HS6ST1: variants seen among roughly 807,000 people sequenced by gnomAD.
The protein encoded by HS6ST1 is heparan-sulfate 6-O-sulfotransferase 1.
A neutral mutation model predicts 25.2 loss-of-function variants in HS6ST1; 3 were observed. The observed-to-expected ratio is 0.12, with a 90% CI of 0.05 to 0.31. HS6ST1 has a LOEUF of 0.31. Among genes scored for constraint, HS6ST1 ranks in the 10% least tolerant of loss-of-function variants. The probability of loss-of-function intolerance (pLI) is 1.00; values close to 1 mark genes in which losing one functional copy is unlikely to be tolerated. For missense variants in HS6ST1, 310 were observed against 609.6 expected (o/e 0.51, Z 5.18); for synonymous variants, 204 against 275.1 (o/e 0.74, Z 2.56).
intron 1 of HS6ST1, among the ~76,000 whole-genome samples, chr2:128,281,353 T>C (rs1693782736): frequency 6.6e-6 from 1 of 152,194 alleles, no homozygotes; most frequent in Non-Finnish European, 1.5e-5. Context: ...TCTGTGCTCA[T>C]GTGGCCCTCA....
chr2:128,277,211 GTGACTTTGC>G (rs1477669577), intron 1 of HS6ST1, among the ~76,000 whole-genome samples: 2 of 152,192 alleles, frequency 1.3e-5, no homozygotes, highest in African/African-American at 2.4e-5. Flanking sequence ...ACCCTGCCCA[GTGACTTTGC>G]TGGCAAATGA....
rs577324897 is a variant in HS6ST1, at chr2:128,297,601, G to T, written c.527+20436C>A. 5.5e-4 allele frequency among the ~76,000 whole-genome samples: 84 copies of T among 152,332 alleles called. No homozygotes were observed. In the South Asian group the frequency reaches 0.017, roughly 30 times the overall value. ...CTAGCACTTTGGGAGGCCGAGGTGG[G>T]TGATCCACCTGATCATGAGGTCAGG... is the stretch of plus-strand genomic sequence containing the variant. On this transcript the variant is annotated intron_variant, in intron 1 of 1. Transcript: ENST00000259241.
chr2:128,293,630 C>T (rs79377020), intron 1 of HS6ST1, among the ~76,000 whole-genome samples: 2 of 152,312 alleles, frequency 1.3e-5, no homozygotes, highest in East Asian at 3.9e-4. Flanking sequence ...GCCTGGAGGG[C>T]CCGGAGTCAG....
chr2:128,296,829 C>T (rs1006435821), intron 1 of HS6ST1, among the ~76,000 whole-genome samples: 1 of 152,170 alleles, frequency 6.6e-6, no homozygotes, highest in Non-Finnish European at 1.5e-5. Flanking sequence ...CCTATCACAA[C>T]CCCAACAGTA....
rs941565142 is a variant in HS6ST1, at chr2:128,265,563, T to C, written c.*2599A>G. On this transcript the variant is annotated 3_prime_UTR_variant, in exon 2 of 2. Coordinates refer to ENST00000259241, the MANE Select transcript of HS6ST1 (RefSeq NM_004807.3). ...TAGATGATTATGACTTGCTTTTCCA[T>C]CATCAACTCATTTTTTTGTATGAAT... is the stretch of plus-strand genomic sequence containing the variant. 6.6e-6 allele frequency: 1 copy of C among 152,250 alleles called. No homozygotes were observed. The highest frequency in any genetic ancestry group is 1.5e-5 in the Non-Finnish European group (1 of 68,038). The allele number at this position is 152,250 out of a possible 1,614,324, so 9.4% of individuals were successfully genotyped here.
chr2:128,288,050 G>A (rs1248581965), intron 1 of HS6ST1, among the ~76,000 whole-genome samples: 3 of 152,232 alleles, frequency 2.0e-5, no homozygotes, highest in Non-Finnish European at 4.4e-5. Context: ...CACAGGGCAC[G>A]CAGTCGAGCA....
At chr2:128,270,202 GT>G (rs1558867248) in intron 1 of HS6ST1, among the ~76,000 whole-genome samples, 1 of 152,224 alleles carries the variant, frequency 6.6e-6, no homozygotes, top group Non-Finnish European at 1.5e-5. Context: ...AGTGTTTTCT[GT>G]GGCCTGGCAG....
At chr2:128,300,090 C>G (rs1326116350) in intron 1 of HS6ST1, among the ~76,000 whole-genome samples, 3 of 152,136 alleles carry the variant, frequency 2.0e-5, no homozygotes, top group Non-Finnish European at 2.9e-5. Context: ...ATTCACCAAA[C>G]CAAGGACCCC....
chr2:128,268,241 G>A lies in HS6ST1; in HGVS notation c.1157C>T (p.Ala386Val). ...EERLLHRAKE[A>V]LPREDADEPG... ...CTCGTCGGCATCCTCCCGCGGCAGT[G>A]CCTCCTTGGCCCGGTGCAGCAGACG... Residue 386 changes from alanine (A) to valine (V), a missense_variant, in exon 2 of 2, where the codon GCA becomes GTA. Transcript: ENST00000259241. 1 of 1,610,882 alleles carries A rather than the reference G, an allele frequency of 6.2e-7. No homozygotes were observed. Among genetic ancestry groups the A allele is most frequent in the Non-Finnish European group, 8.5e-7 (1 of 1,179,100 alleles).
At chr2:128,272,748 G>A (rs1210295011) in intron 1 of HS6ST1, among the ~76,000 whole-genome samples, 2 of 152,142 alleles carry the variant, frequency 1.3e-5, no homozygotes, top group African/African-American at 4.8e-5. Context: ...TAGAGAAGCC[G>A]TGAGCAATTT....
intron 1 of HS6ST1, among the ~76,000 whole-genome samples, chr2:128,286,674 T>C (rs781105661): frequency 1.1e-4 from 16 of 152,196 alleles, no homozygotes; most frequent in Non-Finnish European, 2.1e-4. Context: ...ACTGACTTGT[T>C]AAAAAATAAA....
chr2:128,308,223 G>A (rs1312401928), intron 1 of HS6ST1, among the ~76,000 whole-genome samples: 1 of 152,194 alleles, frequency 6.6e-6, no homozygotes. Context: ...GTGGAGCACA[G>A]TGCATGGGGT....
At chr2:128,275,367 G>A (rs1192513493) in intron 1 of HS6ST1, among the ~76,000 whole-genome samples, 1 of 152,128 alleles carries the variant, frequency 6.6e-6, no homozygotes, top group Non-Finnish European at 1.5e-5. Context: ...AAAGTAAACA[G>A]AGAATATCTA....
At chr2:128,286,912 C>G (rs1693873316) in intron 1 of HS6ST1, among the ~76,000 whole-genome samples, 1 of 152,170 alleles carries the variant, frequency 6.6e-6, no homozygotes, top group Non-Finnish European at 1.5e-5. Flanking sequence ...ACAGCATCCC[C>G]CAAAGCAGGA....
At chr2:128,288,660 T>C (rs2104922821) in intron 1 of HS6ST1, among the ~76,000 whole-genome samples, 1 of 152,268 alleles carries the variant, frequency 6.6e-6, no homozygotes, top group Non-Finnish European at 1.5e-5. Flanking sequence ...TCCGATTTTA[T>C]ATAACCATGC....
intron 1 of HS6ST1, among the ~76,000 whole-genome samples, chr2:128,282,948 C>T (rs901388792): frequency 5.3e-5 from 8 of 152,222 alleles, no homozygotes; most frequent in Admixed American, 4.6e-4. Context: ...GGGGACCAGA[C>T]ACCCTGGGGA....
chr2:128,315,779 C>T lies in HS6ST1; in HGVS notation c.527+2258G>A, dbSNP rs1232946226. ...GCAGGTGGACCTCAGTGCAGCTTGG[C>T]CCTGCGAGCACAAAGGCAAGATTAC... On this transcript the variant is annotated intron_variant, in intron 1 of 1. Transcript: ENST00000259241. 3.3e-5 allele frequency among the ~76,000 whole-genome samples: 5 copies of T among 152,198 alleles called. No individual in the cohort carries two copies. In the East Asian group the frequency reaches 9.6e-4, roughly 29 times the overall value.
Position 128,318,581 on chromosome 2 carries a change from G to C in HS6ST1, c.-18C>G. On this transcript the variant is annotated 5_prime_UTR_variant, in exon 1 of 2. Transcript: ENST00000259241. The surrounding 1 kb of genome is among the most constrained non-coding windows in gnomAD (Gnocchi z 5.7). ...CGCCGCATGTGTCACCATCGCCGGG[G>C]CCCGGGCGCGGGGCGCGGGGCCTGG... 1.4e-6 allele frequency: 2 copies of C among 1,385,324 alleles called. No homozygotes were observed. The highest frequency in any genetic ancestry group is 1.9e-6 in the Non-Finnish European group (2 of 1,074,150). 85.8% of individuals were successfully genotyped at this position (1,385,324 alleles called of 1,614,324 possible).
At chr2:128,297,788 G>A (rs147791051) in intron 1 of HS6ST1, among the ~76,000 whole-genome samples, 1,761 of 152,308 alleles carry the variant, frequency 0.012, 16 homozygotes, top group Non-Finnish European at 0.017. Flanking sequence ...GAGCCGAGAT[G>A]ACACCATTGC....
Sources: gnomAD v4.1 joint callset for allele counts (sites outside exome capture counted in the v4.1 genomes callset) on GRCh38, gnomAD v4.1.1 for gene constraint, Gnocchi (gnomAD v3.1) non-coding constraint, MANE v1.5 for transcripts, NCBI Gene and HGNC (gene_info 2026-07-23, HGNC 2026-07-21) for gene names.